The following MYO1F variants were observed in gnomAD, a reference collection of about 807,000 sequenced individuals.
MYO1F encodes unconventional myosin-If.
Under a neutral mutation model 146.6 loss-of-function variants are expected in MYO1F, and 60 were observed. The ratio of observed to expected loss-of-function variants is 0.41; its 90% confidence interval spans 0.33 to 0.51. The LOEUF (loss-of-function observed/expected upper bound fraction) is 0.51. MYO1F is among the 20% of genes least tolerant of loss of function. The pLI is 0.25. For synonymous variants in MYO1F, 602 were observed against 602.1 expected (o/e 1.00, Z 0.00); for missense variants, 1,274 against 1,534.3 (o/e 0.83, Z 2.83).
intron 1 of MYO1F, among the ~76,000 whole-genome samples, chr19:8,568,303 G>T (rs10415142): frequency 2.6e-5 from 4 of 151,508 alleles, no homozygotes; most frequent in African/African-American, 2.4e-5. Flanking sequence ...GGCGCCCGTA[G>T]TCCCAGCTCC....
intron 1 of MYO1F, among the ~76,000 whole-genome samples, chr19:8,560,032 T>A (rs1188391251): frequency 6.6e-6 from 1 of 151,704 alleles, no homozygotes; most frequent in East Asian, 1.9e-4. Context: ...TGTAGATGGT[T>A]GATACTGGCA....
chr19:8,534,177 T>TA (rs376071903), intron 19 of MYO1F, among the ~76,000 whole-genome samples: 16,389 of 134,056 alleles, frequency 0.12, 965 homozygotes, highest in East Asian at 0.17. Flanking sequence ...AGACTCTGTC[T>TA]AAAAAAAAAA....
chr19:8,571,260 G>A (rs539982724), intron 1 of MYO1F, among the ~76,000 whole-genome samples: 2 of 152,324 alleles, frequency 1.3e-5, no homozygotes, highest in Non-Finnish European at 2.9e-5. Flanking sequence ...CTGCCCTGGT[G>A]CCTGAGGGTG....
At chr19:8,560,165 T>C (rs926668077) in intron 1 of MYO1F, among the ~76,000 whole-genome samples, 3 of 151,092 alleles carry the variant, frequency 2.0e-5, no homozygotes, top group Non-Finnish European at 3.0e-5. Context: ...GTGTGGGGTT[T>C]GAACCTGGGT....
At chr19:8,525,367 C>T in intron 25 of MYO1F, 112 bp downstream of exon 25, 2 of 925,656 alleles carry the variant, frequency 2.2e-6, no homozygotes, top group African/African-American at 1.6e-5. Flanking sequence ...GAGTCCTGGA[C>T]AGAGAAGTGA....
intron 1 of MYO1F, among the ~76,000 whole-genome samples, chr19:8,564,272 T>C (rs1600044995): frequency 6.6e-6 from 1 of 151,974 alleles, no homozygotes; most frequent in East Asian, 1.9e-4. Context: ...TCCCAGCTAC[T>C]TGGGAGGCTG....
rs1288968491 is a variant in MYO1F at position 8,527,319 on chromosome 19, G to C, written c.2474+19C>G. 2.5e-6 allele frequency: 4 copies of C among 1,613,800 alleles called. No individual in the cohort carries two copies. The African/African-American group carries it at 5.3e-5, about 22-fold the overall frequency. ...GACAGGTGAGAGTGACTGTGCGGCA[G>C]GTAAGGACCTGGCTTCACCTGAGGG... is the stretch of plus-strand genomic sequence containing the variant. On this transcript the variant is annotated intron_variant, in intron 22 of 27. Transcript: ENST00000644032.
chr19:8,533,357 C>CTTT (rs762061787), intron 19 of MYO1F, among the ~76,000 whole-genome samples: 3 of 115,202 alleles, frequency 2.6e-5, no homozygotes, highest in African/African-American at 3.6e-5. Context: ...TCTTCTTCTT[C>CTTT]TTTTTTTTTT....
At chr19:8,549,809 GT>G (rs1973526654) in intron 10 of MYO1F, 22 of 334,334 alleles carry the variant, frequency 6.6e-5, no homozygotes, top group South Asian at 1.8e-4. Context: ...CTGGCCAAAA[GT>G]TTTTTTTAGA....
chr19:8,532,901 A>AAAAAAAAATAT (rs1172873322), intron 19 of MYO1F, among the ~76,000 whole-genome samples: 1 of 47,826 alleles, frequency 2.1e-5, no homozygotes, highest in Non-Finnish European at 3.7e-5. Context: ...AAAAAAAAAA[A>AAAAAAAAATAT]ATACACACAC....
chr19:8,531,833 T>C (rs1972499117), intron 19 of MYO1F, among the ~76,000 whole-genome samples: 1 of 151,814 alleles, frequency 6.6e-6, no homozygotes. Flanking sequence ...AATATGAAAA[T>C]GTGGCCGGGT....
rs538165561 is a variant in MYO1F at position 8,555,356 on chromosome 19, G to A, written c.141+303C>T. The A allele has an allele frequency of 1.6e-3, 468 of 291,566 alleles. 2 individuals carry two copies. Among genetic ancestry groups the A allele is most frequent in the Non-Finnish European group, 2.6e-3 (417 of 161,080 alleles). The allele number at this position is 291,566 out of a possible 1,614,324, so 18.1% of individuals were successfully genotyped here. A position where few individuals can be genotyped will look rare whatever the true frequency, so the allele number is the denominator to read the frequency against. ...CTACACTCCAGCCTGGAACCTGGGC[G>A]ACAGAGCAAGACTCCGTCTCAAAAA... is the stretch of plus-strand genomic sequence containing the variant. On this transcript the variant is annotated intron_variant, in intron 2 of 27. Transcript: ENST00000644032.
intron 16 of MYO1F, among the ~76,000 whole-genome samples, chr19:8,537,445 GTTTTA>G (rs1033996863): frequency 1.3e-5 from 2 of 151,986 alleles, no homozygotes; most frequent in African/African-American, 4.8e-5. Context: ...GTTTTGTTCT[GTTTTA>G]TTTTGTTTTG....
intron 1 of MYO1F, among the ~76,000 whole-genome samples, chr19:8,560,068 G>T (rs1974020450): frequency 6.6e-6 from 1 of 152,064 alleles, no homozygotes; most frequent in African/African-American, 2.4e-5. Flanking sequence ...TCTCAGTGTG[G>T]GTAGGCTCGA....
At chr19:8,525,904 C>T (rs1341070078) in intron 24 of MYO1F, among the ~76,000 whole-genome samples, 1 of 152,216 alleles carries the variant, frequency 6.6e-6, no homozygotes, top group Admixed American at 6.5e-5. Flanking sequence ...TCTAGACCCG[C>T]CCCTTCCTTG....
intron 13 of MYO1F, 123 bp from the exon 14 acceptor site, chr19:8,544,587 GT>G: frequency 3.2e-6 from 3 of 941,252 alleles, no homozygotes; most frequent in East Asian, 6.0e-5. Context: ...AGCTTTGGGG[GT>G]GGGGAGGGCA....
chr19:8,558,022 C>G (rs1323388624), intron 1 of MYO1F, among the ~76,000 whole-genome samples: 1 of 152,148 alleles, frequency 6.6e-6, no homozygotes, highest in Non-Finnish European at 1.5e-5. Flanking sequence ...CTCAGCTCTA[C>G]CCTCTACTCC....
intron 8 of MYO1F, chr19:8,551,501 G>A (rs973819389): frequency 7.7e-6 from 4 of 519,326 alleles, no homozygotes; most frequent in South Asian, 6.0e-5. Context: ...ACAGTCACAC[G>A]CCACCACATC....
intron 1 of MYO1F, among the ~76,000 whole-genome samples, chr19:8,559,259 C>T (rs59776145): frequency 0.047 from 6,575 of 141,274 alleles, 493 homozygotes; most frequent in African/African-American, 0.16. Flanking sequence ...GAAGTGTCCA[C>T]GTGGGCAACT....
Sources: allele counts gnomAD v4.1 joint callset (sites outside exome capture counted in the v4.1 genomes callset), GRCh38; gene constraint gnomAD v4.1.1; transcripts MANE v1.5; gene names NCBI Gene and HGNC (gene_info 2026-07-23, HGNC 2026-07-21).